Variants in EPB41L4A observed in about 807,000 individuals in gnomAD.
The protein encoded by EPB41L4A is erythrocyte membrane protein band 4.1 like 4A.
A neutral mutation model predicts 108.6 loss-of-function variants in EPB41L4A; 100 were observed. The ratio of observed to expected loss-of-function variants is 0.92; its 90% CI spans 0.78 to 1.09. The LOEUF (loss-of-function observed/expected upper bound fraction) is 1.09, where lower values mean the gene tolerates loss of function less well. Among genes scored for constraint, EPB41L4A ranks in the 50% least tolerant of loss-of-function variants. The pLI, the probability that EPB41L4A is intolerant of heterozygous loss-of-function variation, is 0.00. For synonymous variants in EPB41L4A, 319 were observed against 289.0 expected (o/e 1.10, Z -1.05); for missense variants, 1,030 against 842.7 (o/e 1.22, Z -2.75).
At chr5:112,191,768 T>G (rs57449938) in intron 17 of EPB41L4A, among the ~76,000 whole-genome samples, 7,104 of 151,960 alleles carry the variant, frequency 0.047, 530 homozygotes, top group African/African-American at 0.16. Flanking sequence ...AGTGACTCTG[T>G]CCGGAGTTCC....
intron 4 of EPB41L4A, among the ~76,000 whole-genome samples, chr5:112,267,640 C>G (rs1751954672): frequency 1.3e-5 from 2 of 151,888 alleles, no homozygotes; most frequent in African/African-American, 2.4e-5. Flanking sequence ...TCTCCATCCC[C>G]TACACCAGGT....
chr5:112,231,876 G>A (rs910733307), intron 12 of EPB41L4A, among the ~76,000 whole-genome samples: 1 of 148,990 alleles, frequency 6.7e-6, no homozygotes, highest in African/African-American at 2.5e-5. Flanking sequence ...TGGAGGTCAA[G>A]ATGTAAGGAT....
intron 1 of EPB41L4A, among the ~76,000 whole-genome samples, chr5:112,310,985 G>T (rs1580660593): frequency 6.6e-6 from 1 of 152,108 alleles, no homozygotes; most frequent in Non-Finnish European, 1.5e-5. Flanking sequence ...CAGTAGAAAT[G>T]ACTGATTCCT....
At position 112,280,300 on chromosome 5, in the gene EPB41L4A, G is replaced by C. The variant is rs551038342; in HGVS notation, c.228C>G (p.Thr76=). 124 of 1,614,016 alleles carry C rather than the reference G, an allele frequency of 7.7e-5. 1 individual carries two copies. The South Asian group carries it at 1.3e-3, about 17-fold the overall frequency. The change falls in exon 3 of 23, where the codon ACC becomes ACG. Residue 76 remains threonine, a synonymous_variant. Coordinates refer to ENST00000261486, the MANE Select transcript of EPB41L4A (RefSeq NM_022140.5). ...HQTYWLDPAK[T]LAEHKELINT... Reference sequence around the variant, plus strand: ...TGATCAGTTCTTTGTGTTCAGCAAGGGTTTTTGCAGGATCCAGCCAATACT... The same window carrying C: ...TGATCAGTTCTTTGTGTTCAGCAAGCGTTTTTGCAGGATCCAGCCAATACT...
At chr5:112,155,619 T>C (rs1580330562) in intron 12 of EPB41L4A, among the ~76,000 whole-genome samples, 1 of 151,866 alleles carries the variant, frequency 6.6e-6, no homozygotes, top group Admixed American at 6.6e-5. Context: ...ATTATAACAA[T>C]GAGACTGAAT....
intron 9 of EPB41L4A, chr5:112,249,582 A>T (rs554381572): frequency 5.9e-5 from 9 of 152,210 alleles, no homozygotes; most frequent in Admixed American, 1.3e-4. Context: ...ATATTTTTTC[A>T]TGCTCTCTTT....
intron 12 of EPB41L4A, among the ~76,000 whole-genome samples, chr5:112,152,120 A>G (rs1048825521): frequency 6.6e-6 from 1 of 152,182 alleles, no homozygotes; most frequent in Admixed American, 6.5e-5. Flanking sequence ...CTTCCATACT[A>G]TGACAGGAGA....
intron 1 of EPB41L4A, among the ~76,000 whole-genome samples, chr5:112,374,132 C>A (rs1268586510): frequency 2.6e-5 from 4 of 152,172 alleles, no homozygotes; most frequent in Admixed American, 2.6e-4. Flanking sequence ...TAGCATTCTT[C>A]AAATGTCAGA....
At chr5:112,306,006 T>C (rs1486676498) in intron 2 of EPB41L4A, among the ~76,000 whole-genome samples, 3 of 152,168 alleles carry the variant, frequency 2.0e-5, no homozygotes, top group African/African-American at 7.2e-5. Flanking sequence ...TGAAATTCTC[T>C]AGCTTTTCAC....
intron 9 of EPB41L4A, among the ~76,000 whole-genome samples, chr5:112,247,989 G>A (rs931606371): frequency 2.6e-5 from 4 of 152,066 alleles, no homozygotes; most frequent in African/African-American, 9.7e-5. Flanking sequence ...GTTTCCTTGG[G>A]TACAAATATA....
chr5:112,268,883 TAGAC>T (rs1319896682), intron 4 of EPB41L4A, among the ~76,000 whole-genome samples: 3 of 137,732 alleles, frequency 2.2e-5, no homozygotes, highest in Admixed American at 1.5e-4. Flanking sequence ...AACATCTGAC[TAGAC>T]AATCAAATCT....
intron 12 of EPB41L4A, among the ~76,000 whole-genome samples, chr5:112,231,246 A>C (rs981346330): frequency 6.6e-6 from 1 of 152,234 alleles, no homozygotes; most frequent in Admixed American, 6.5e-5. Context: ...GGAACATTTA[A>C]ACATATCCAT....
At chr5:112,266,367 TAC>T in intron 4 of EPB41L4A, 37 bp from the exon 5 acceptor site, 1 of 1,430,778 alleles carries the variant, frequency 7.0e-7, no homozygotes, top group South Asian at 1.3e-5. Context: ...AACGATCTCT[TAC>T]ACTACTCAAA....
intron 18 of EPB41L4A, chr5:112,173,722 C>A (rs754846829): frequency 6.6e-6 from 1 of 151,360 alleles, no homozygotes; most frequent in Non-Finnish European, 1.5e-5. Flanking sequence ...CGGCTCACTG[C>A]AAGCTCCGCC....
chr5:112,190,755 T>G (rs138188073), intron 17 of EPB41L4A, among the ~76,000 whole-genome samples: 55 of 152,296 alleles, frequency 3.6e-4, no homozygotes, highest in African/African-American at 1.3e-3. Flanking sequence ...AATACTTGAA[T>G]TGGTTATACA....
Position 112,205,425 on chromosome 5 carries a change from G to C in EPB41L4A, c.1258C>G (p.Gln420Glu). The stretch of plus-strand genomic sequence containing the variant: ...AAAAACAATGATTCCCTTTACCTCT[G>C]GGGGCCATTTTCTTCCCACGGTGCA... ...SHAPWEENGP[Q>E]SGLYNSPSDR... is the part of the protein sequence containing the mutation. The change falls in exon 14 of 23, where the codon CAG (glutamine) becomes GAG (glutamate). Residue 420 changes from glutamine to glutamate, a missense_variant. Coordinates refer to ENST00000261486, the MANE Select transcript of EPB41L4A (RefSeq NM_022140.5). 6.2e-7 allele frequency: 1 copy of C among 1,612,274 alleles called. No homozygotes were observed. The highest frequency in any genetic ancestry group is 8.5e-7 in the Non-Finnish European group (1 of 1,178,448).
chr5:112,172,969 C>T (rs1287192708), intron 18 of EPB41L4A, among the ~76,000 whole-genome samples: 2 of 152,168 alleles, frequency 1.3e-5, no homozygotes, highest in South Asian at 4.1e-4. Flanking sequence ...GTGGCCTCTA[C>T]CCAACTAGAC....
chr5:112,228,707 T>G, intron 12 of EPB41L4A: 1 of 985,400 alleles, frequency 1.0e-6, no homozygotes. Context: ...AATCCAACTG[T>G]GTGAGTTGCC....
At chr5:112,213,411 C>T (rs141381242) in intron 12 of EPB41L4A, among the ~76,000 whole-genome samples, 13,994 of 151,088 alleles carry the variant, frequency 0.093, 743 homozygotes, top group Middle Eastern at 0.14. Flanking sequence ...TGCAGTGGCA[C>T]GATCTCAGCT....
Sources: gnomAD v4.1 joint callset for allele counts (sites outside exome capture counted in the v4.1 genomes callset) on GRCh38, gnomAD v4.1.1 for gene constraint, MANE v1.5 for transcripts, NCBI Gene and HGNC (gene_info 2026-07-23, HGNC 2026-07-21) for gene names.